The following CTNNB1 variants were observed in gnomAD, a reference collection of about 807,000 sequenced individuals.
The protein encoded by CTNNB1 is catenin beta-1.
Under a neutral mutation model 82.5 loss-of-function variants are expected in CTNNB1, and 6 were observed. The observed-to-expected ratio is 0.07, with a 90% CI of 0.04 to 0.14. The LOEUF (loss-of-function observed/expected upper bound fraction) is 0.14. Ranked by LOEUF, CTNNB1 falls within the 10% of genes least tolerant of loss-of-function variation. The pLI, the probability that CTNNB1 is intolerant of heterozygous loss-of-function variation, is 1.00. For synonymous variants in CTNNB1, 312 were observed against 329.7 expected (o/e 0.95, Z 0.58); for missense variants, 529 against 980.4 (o/e 0.54, Z 6.15).
intron 10 of CTNNB1, chr3:41,234,671 TATAA>T (rs2078391353): frequency 7.6e-6 from 2 of 263,198 alleles, no homozygotes; most frequent in Non-Finnish European, 1.5e-5. Context: ...GCATTTTGAC[TATAA>T]ATATTTAGCA....
At chr3:41,235,355 A>G (rs1163329351) in intron 10 of CTNNB1, 2 of 257,824 alleles carry the variant, frequency 7.8e-6, no homozygotes, top group Non-Finnish European at 1.5e-5. Context: ...AAGATATACA[A>G]AAATAGAGGG....
chr3:41,237,044 G>T, intron 13 of CTNNB1: 2 of 430,996 alleles, frequency 4.6e-6, no homozygotes, highest in South Asian at 4.3e-5. Context: ...CAGTTTATCA[G>T]TATTTTTTAC....
At chr3:41,202,035 G>A (rs2077543348) in intron 1 of CTNNB1, among the ~76,000 whole-genome samples, 1 of 152,098 alleles carries the variant, frequency 6.6e-6, no homozygotes, top group Non-Finnish European at 1.5e-5. Context: ...GGTGAGGTGG[G>A]GAGAGGCGCA....
chr3:41,213,172 C>T (rs1355806594), intron 1 of CTNNB1, among the ~76,000 whole-genome samples: 1 of 152,224 alleles, frequency 6.6e-6, no homozygotes, highest in African/African-American at 2.4e-5. Context: ...CCCTTTTCCT[C>T]TATAATCAAA....
At chr3:41,204,326 T>TA (rs1341114537) in intron 1 of CTNNB1, among the ~76,000 whole-genome samples, 1 of 152,204 alleles carries the variant, frequency 6.6e-6, no homozygotes, top group East Asian at 1.9e-4. Flanking sequence ...ACATACAACT[T>TA]ACTGAAAAAA....
intron 1 of CTNNB1, among the ~76,000 whole-genome samples, chr3:41,210,460 AAAAC>A (rs1397147918): frequency 6.6e-6 from 1 of 152,316 alleles, no homozygotes; most frequent in East Asian, 1.9e-4. Flanking sequence ...GTCTCAAAAA[AAAAC>A]AAACAAAAAA....
rs1358304765 is a variant in CTNNB1, at chr3:41,239,632, T to TAA, written c.*291_*292dup. 2.1e-6 allele frequency: 1 copy of TAA among 484,936 alleles called. No homozygotes were observed. Among genetic ancestry groups the TAA allele is most frequent in the Non-Finnish European group, 3.8e-6 (1 of 263,938 alleles). 30.0% of individuals were successfully genotyped at this position (484,936 alleles called of 1,614,324 possible). On this transcript the variant is annotated 3_prime_UTR_variant, in exon 15 of 15. Coordinates refer to ENST00000349496, the MANE Select transcript of CTNNB1 (RefSeq NM_001904.4). ...GAGTAACATTTGCTGTTTTAAACAT[T>TAA]AATAGCAGCCTTTCTCTCTTTATAC...
intron 10 of CTNNB1, chr3:41,235,075 T>C (rs559053714): frequency 1.9e-5 from 3 of 153,916 alleles, no homozygotes; most frequent in Non-Finnish European, 4.3e-5. Context: ...ATCTCTTTTC[T>C]AGGAAGAAGA....
intron 1 of CTNNB1, among the ~76,000 whole-genome samples, chr3:41,209,230 T>G (rs945532027): frequency 6.6e-6 from 1 of 152,228 alleles, no homozygotes; most frequent in Admixed American, 6.5e-5. Flanking sequence ...TTGTGCATAT[T>G]TACTCCAGTA....
intron 1 of CTNNB1, among the ~76,000 whole-genome samples, chr3:41,207,334 C>T (rs886432608): frequency 6.6e-6 from 1 of 152,028 alleles, no homozygotes; most frequent in Non-Finnish European, 1.5e-5. Flanking sequence ...TGAAGAGCGC[C>T]CTCATTATAT....
intron 1 of CTNNB1, 165 bp from the exon 2 acceptor site, chr3:41,223,856 G>A: frequency 1.9e-6 from 1 of 522,508 alleles, no homozygotes; most frequent in Non-Finnish European, 3.4e-6. Context: ...CTGTGGTTGA[G>A]GTGTCTGGAG....
intron 1 of CTNNB1, among the ~76,000 whole-genome samples, chr3:41,220,327 A>T (rs755036803): frequency 6.6e-6 from 1 of 152,030 alleles, no homozygotes; most frequent in African/African-American, 2.4e-5. Flanking sequence ...GGGTCATTTG[A>T]TGTTTGATGC....
At chr3:41,212,346 A>T (rs1176153535) in intron 1 of CTNNB1, among the ~76,000 whole-genome samples, 1 of 151,130 alleles carries the variant, frequency 6.6e-6, no homozygotes, top group Admixed American at 6.6e-5. Context: ...CCCTCCACTT[A>T]TTTTTCTTCT....
intron 7 of CTNNB1, among the ~76,000 whole-genome samples, chr3:41,230,909 CA>C (rs200467686): frequency 2.0e-5 from 3 of 151,216 alleles, no homozygotes; most frequent in East Asian, 1.9e-4. Flanking sequence ...TGAGCTAAAA[CA>C]AAAAAAAATT....
rs781509994 is a variant in CTNNB1, at chr3:41,225,084, T to C, written c.372T>C (p.Arg124=). The C allele has an allele frequency of 6.2e-7, 1 of 1,613,974 alleles. No homozygotes were observed. The highest frequency in any genetic ancestry group is 8.5e-7 in the Non-Finnish European group (1 of 1,179,988). ...FDAAHPTNVQ[R]LAEPSQMLKH... ...CTGCTCATCCCACTAATGTCCAGCG[T>C]TTGGCTGAACCATCACAGATGCTGA... Residue 124 remains arginine (R), a synonymous_variant, in exon 4 of 15, where the codon CGT becomes CGC. Transcript: ENST00000349496. This position sits in a 1 kb window ranked among gnomAD's most constrained non-coding sequence, Gnocchi z 5.3.
At chr3:41,222,975 A>G (rs921204584) in intron 1 of CTNNB1, among the ~76,000 whole-genome samples, 3 of 152,130 alleles carry the variant, frequency 2.0e-5, no homozygotes, top group Admixed American at 6.5e-5. Context: ...CACATCTGAG[A>G]TAGGAAAATC....
At chr3:41,215,152 T>G (rs1575299572) in intron 1 of CTNNB1, among the ~76,000 whole-genome samples, 1 of 139,096 alleles carries the variant, frequency 7.2e-6, no homozygotes, top group African/African-American at 2.7e-5. Context: ...CCGAGGCTGG[T>G]GGATCACGAG....
intron 7 of CTNNB1, among the ~76,000 whole-genome samples, chr3:41,231,785 A>G (rs903633391): frequency 5.9e-5 from 9 of 152,214 alleles, no homozygotes; most frequent in African/African-American, 2.2e-4. Flanking sequence ...TAGGAATGAA[A>G]TAGTTTGCTT....
chr3:41,237,809 T>C (rs1348650057), intron 13 of CTNNB1: 7 of 570,944 alleles, frequency 1.2e-5, no homozygotes, highest in Non-Finnish European at 2.2e-5. Context: ...AGTCAGTGAG[T>C]ATTTTTAATG....
Sources: allele counts gnomAD v4.1 joint callset (sites outside exome capture counted in the v4.1 genomes callset), GRCh38; gene constraint gnomAD v4.1.1; non-coding constraint Gnocchi (gnomAD v3.1); transcripts MANE v1.5; gene names NCBI Gene and HGNC (gene_info 2026-07-23, HGNC 2026-07-21).